ZNF609: variants seen among roughly 807,000 people sequenced by gnomAD.
ZNF609 encodes zinc finger protein 609.
Under a neutral mutation model 109.5 loss-of-function variants are expected in ZNF609, and 11 were observed. The observed-to-expected ratio is 0.10, with a 90% CI of 0.06 to 0.17. The LOEUF (loss-of-function observed/expected upper bound fraction) is 0.17, where lower values mean the gene tolerates loss of function less well. Among genes scored for constraint, ZNF609 ranks in the 10% least tolerant of loss-of-function variants. The pLI is 1.00. For synonymous variants in ZNF609, 646 were observed against 662.0 expected (o/e 0.98, Z 0.37); for missense variants, 1,559 against 1,772.4 (o/e 0.88, Z 2.16).
chr15:64,599,446 A>AATC (rs1895459195), intron 2 of ZNF609, among the ~76,000 whole-genome samples: 1 of 152,086 alleles, frequency 6.6e-6, no homozygotes, highest in African/African-American at 2.4e-5. Context: ...TTGTGCAGTA[A>AATC]ATCATCTCTC....
At chr15:64,618,979 C>T (rs538953747) in intron 2 of ZNF609, among the ~76,000 whole-genome samples, 14 of 152,258 alleles carry the variant, frequency 9.2e-5, no homozygotes, top group Non-Finnish European at 8.8e-5. Context: ...ACACAGGCCC[C>T]TGATGGAGCC....
At chr15:64,619,947 G>A (rs140389928) in intron 2 of ZNF609, among the ~76,000 whole-genome samples, 2 of 152,296 alleles carry the variant, frequency 1.3e-5, no homozygotes, top group Non-Finnish European at 2.9e-5. Flanking sequence ...TAGCCTGCCA[G>A]GAGCACTGAA....
intron 2 of ZNF609, among the ~76,000 whole-genome samples, chr15:64,552,285 T>C (rs1219825563): frequency 6.6e-6 from 1 of 152,216 alleles, no homozygotes; most frequent in African/African-American, 2.4e-5. Context: ...GTTTTGTAGT[T>C]GCAGGTTATA....
chr15:64,489,504 G>A (rs1893380362), intron 1 of ZNF609, among the ~76,000 whole-genome samples: 1 of 138,594 alleles, frequency 7.2e-6, no homozygotes, highest in African/African-American at 2.7e-5. Flanking sequence ...TAGATGTTTT[G>A]AATGCTACCA....
chr15:64,669,661 A>AT (rs897943438), intron 3 of ZNF609, among the ~76,000 whole-genome samples: 5 of 151,464 alleles, frequency 3.3e-5, no homozygotes, highest in African/African-American at 1.2e-4. Context: ...CAAAAGCTTT[A>AT]TTTTTTTATT....
chr15:64,645,008 T>TCTTCCTTCCTTCCTTC (rs1170783769), intron 3 of ZNF609, among the ~76,000 whole-genome samples: 10 of 140,062 alleles, frequency 7.1e-5, no homozygotes, highest in African/African-American at 2.9e-4. Flanking sequence ...TTTCTTTCTT[T>TCTTCCTTCCTTCCTTC]CTTCCTTCCT....
chr15:64,587,627 G>T (rs1895219162), intron 2 of ZNF609, among the ~76,000 whole-genome samples: 1 of 152,076 alleles, frequency 6.6e-6, no homozygotes, highest in Non-Finnish European at 1.5e-5. Flanking sequence ...TACTTCCTGT[G>T]GTCAGGCACA....
At chr15:64,607,075 C>T (rs1646968923) in intron 2 of ZNF609, among the ~76,000 whole-genome samples, 2 of 151,858 alleles carry the variant, frequency 1.3e-5, no homozygotes, top group Admixed American at 1.3e-4. Context: ...ACTCGGGAGG[C>T]GGAGGTTGCA....
intron 3 of ZNF609, among the ~76,000 whole-genome samples, chr15:64,648,286 G>C (rs547578489): frequency 1.3e-5 from 2 of 152,282 alleles, no homozygotes; most frequent in African/African-American, 4.8e-5. Context: ...ATAAGTTTGA[G>C]ACCAGACTGG....
intron 1 of ZNF609, among the ~76,000 whole-genome samples, chr15:64,477,426 C>A (rs1394338613): frequency 6.6e-6 from 1 of 151,966 alleles, no homozygotes; most frequent in African/African-American, 2.4e-5. Context: ...AGGCGTGAGC[C>A]ACCACGCCTG....
At chr15:64,462,278 C>T (rs537993956) in intron 1 of ZNF609, among the ~76,000 whole-genome samples, 1 of 152,284 alleles carries the variant, frequency 6.6e-6, no homozygotes, top group South Asian at 2.1e-4. Flanking sequence ...TTTGGCTAGC[C>T]TGTACTAAGT....
intron 2 of ZNF609, among the ~76,000 whole-genome samples, chr15:64,516,431 G>A (rs1253592870): frequency 6.6e-6 from 1 of 152,098 alleles, no homozygotes; most frequent in East Asian, 1.9e-4. Context: ...GAGTGCAATG[G>A]CACGATCTCG....
rs144823420 is a variant in ZNF609 at position 64,603,970 on chromosome 15, C to T, written c.748-18857C>T. 8.4e-3 allele frequency among the ~76,000 whole-genome samples: 1,186 copies of T among 141,786 alleles called. 15 individuals are homozygous for T. The highest frequency in any genetic ancestry group is 0.027 in the Middle Eastern group (7 of 260). The allele number at this position is 141,786 out of a possible 152,430, so 93.0% of individuals were successfully genotyped here. On this transcript the variant is annotated intron_variant, in intron 2 of 9. Transcript: ENST00000326648. The stretch of plus-strand genomic sequence containing the variant: ...CCGAGATCACACCACTACAGTCCAG[C>T]CTGGGAGACAGAGTGAGACTCCGTC...
intron 3 of ZNF609, among the ~76,000 whole-genome samples, chr15:64,647,701 T>TTA (rs1359866089): frequency 1.3e-5 from 2 of 152,184 alleles, no homozygotes; most frequent in Non-Finnish European, 2.9e-5. Context: ...ATTATATCTT[T>TTA]TATATGGTTT....
chr15:64,620,009 TGAGA>T (rs942616051), intron 2 of ZNF609, among the ~76,000 whole-genome samples: 1 of 152,180 alleles, frequency 6.6e-6, no homozygotes, highest in African/African-American at 2.4e-5. Flanking sequence ...CCTCAGTGGC[TGAGA>T]GAAAGTGTAT....
intron 2 of ZNF609, among the ~76,000 whole-genome samples, chr15:64,512,002 C>T (rs184787451): frequency 3.5e-4 from 53 of 151,526 alleles, no homozygotes; most frequent in African/African-American, 1.3e-3. Context: ...CATGAGCCAC[C>T]GCACCCTGCC....
intron 3 of ZNF609, among the ~76,000 whole-genome samples, chr15:64,635,781 C>A (rs1206463189): frequency 2.0e-5 from 3 of 152,188 alleles, no homozygotes; most frequent in Non-Finnish European, 4.4e-5. Flanking sequence ...GAGCTTTGCT[C>A]CCAAGCTATT....
At chr15:64,605,902 CTTTTTTT>C (rs10542161) in intron 2 of ZNF609, among the ~76,000 whole-genome samples, 2 of 70,694 alleles carry the variant, frequency 2.8e-5, no homozygotes, top group Middle Eastern at 0.012. Context: ...CCCGGCTAAT[CTTTTTTT>C]TTTTTTTTTT....
chr15:64,471,836 G>C (rs1424557087), intron 1 of ZNF609, among the ~76,000 whole-genome samples: 3 of 152,072 alleles, frequency 2.0e-5, no homozygotes, highest in African/African-American at 7.2e-5. Flanking sequence ...GCCAACCTCG[G>C]CCTCCCAAAG....
Sources: gnomAD v4.1 joint callset for allele counts (sites outside exome capture counted in the v4.1 genomes callset) on GRCh38, gnomAD v4.1.1 for gene constraint, MANE v1.5 for transcripts, NCBI Gene and HGNC (gene_info 2026-07-23, HGNC 2026-07-21) for gene names.